PKNOX1: variants seen among roughly 807,000 people sequenced by gnomAD.
PKNOX1 encodes PBX/knotted 1 homeobox 1, also known as homeobox protein PKNOX1.
A neutral mutation model predicts 51.9 loss-of-function variants in PKNOX1; 15 were observed. The ratio of observed to expected loss-of-function variants is 0.29; its 90% CI spans 0.19 to 0.45. The LOEUF (loss-of-function observed/expected upper bound fraction) is 0.45. Ranked by LOEUF, PKNOX1 falls within the 20% of genes least tolerant of loss-of-function variation. PKNOX1 has a pLI of 1.00. For synonymous variants in PKNOX1, 219 were observed against 211.1 expected, an observed-to-expected ratio of 1.04 and a Z score of -0.32; for missense variants, 462 against 547.5, an observed-to-expected ratio of 0.84 and a Z score of 1.56.
intron 1 of PKNOX1, among the ~76,000 whole-genome samples, chr21:42,991,511 G>A (rs1279806746): frequency 2.6e-5 from 4 of 152,058 alleles, no homozygotes; most frequent in South Asian, 2.1e-4. Context: ...AGGATCATGA[G>A]GTCAGGAGAT....
chr21:43,017,623 G>T (rs1232218660), intron 6 of PKNOX1: 1 of 153,196 alleles, frequency 6.5e-6, no homozygotes, highest in Non-Finnish European at 1.5e-5. Context: ...TAGTACCCTT[G>T]GCCAAATCCT....
rs1389953789 is a variant in PKNOX1, at chr21:43,021,559, G to A, written c.849+128G>A. On this transcript the variant is annotated intron_variant, in intron 8 of 10. Coordinates refer to ENST00000291547, the MANE Select transcript of PKNOX1 (RefSeq NM_004571.5). This position sits in a 1 kb window ranked among gnomAD's most constrained non-coding sequence, Gnocchi z 4.6. ...AAAGGCCTGACTTTCAGGACTTTGTGGCATGTCCATAATGTGGGGAGCGTG... is the reference window on the plus strand; with the variant it reads ...AAAGGCCTGACTTTCAGGACTTTGTAGCATGTCCATAATGTGGGGAGCGTG... 8.7e-7 allele frequency: 1 copy of A among 1,150,606 alleles called. No homozygotes were observed. Among genetic ancestry groups the A allele is most frequent in the South Asian group, 1.6e-5 (1 of 62,648 alleles). The allele number at this position is 1,150,606 out of a possible 1,614,324, so 71.3% of individuals were successfully genotyped here. A position where few individuals can be genotyped will look rare whatever the true frequency, so the allele number is the denominator to read the frequency against.
chr21:43,023,428 T>G, intron 8 of PKNOX1, among the ~76,000 whole-genome samples: 1 of 152,108 alleles, frequency 6.6e-6, no homozygotes, highest in East Asian at 1.9e-4. Flanking sequence ...AAACTCTCAC[T>G]GCTGACTTTG....
rs564070280 is a variant in PKNOX1 at position 43,021,928 on chromosome 21, G to A, written c.849+497G>A. On this transcript the variant is annotated intron_variant, in intron 8 of 10. Transcript: ENST00000291547. This position sits in a 1 kb window ranked among gnomAD's most constrained non-coding sequence, Gnocchi z 4.6. ...ACGTGTGCACCCGGCTTCCTCCCCC[G>A]GGCCATGGCCGCGTCTTCTCCCTGT... Among the ~76,000 whole-genome samples, 39 of 152,212 alleles carry A rather than the reference G, an allele frequency of 2.6e-4. No homozygotes were observed. Among genetic ancestry groups the A allele is most frequent in the Non-Finnish European group, 4.6e-4 (31 of 68,032 alleles).
At chr21:43,025,312 C>T (rs1056115309) in intron 9 of PKNOX1, among the ~76,000 whole-genome samples, 1 of 152,254 alleles carries the variant, frequency 6.6e-6, no homozygotes, top group Non-Finnish European at 1.5e-5. Context: ...AGAGCTGTTT[C>T]TCTAGGGTGC....
At chr21:43,000,004 A>G (rs1353444655) in intron 1 of PKNOX1, among the ~76,000 whole-genome samples, 3 of 152,144 alleles carry the variant, frequency 2.0e-5, no homozygotes, top group Non-Finnish European at 4.4e-5. Context: ...CTAAAACATA[A>G]CAAGTCACCT....
chr21:43,017,066 G>A lies in PKNOX1; in HGVS notation c.622+59G>A, dbSNP rs148500975. 1,173 of 1,071,588 alleles carry A rather than the reference G, an allele frequency of 1.1e-3. 10 individuals are homozygous for A. The African/African-American group carries it at 0.016, about 15-fold the overall frequency. 66.4% of individuals were successfully genotyped at this position (1,071,588 alleles called of 1,614,324 possible). A position where few individuals can be genotyped will look rare whatever the true frequency, so the allele number is the denominator to read the frequency against. On this transcript the variant is annotated intron_variant, in intron 6 of 10. Transcript: ENST00000291547. ...GAGTTTTTGCAGAAAATGGTCCTGTGTGTTAGAATGACAGTATAAATATAA... is the reference window on the plus strand; with the variant it reads ...GAGTTTTTGCAGAAAATGGTCCTGTATGTTAGAATGACAGTATAAATATAA...
chr21:43,008,780 C>CA (rs34065486), intron 3 of PKNOX1, among the ~76,000 whole-genome samples: 19,094 of 145,890 alleles, frequency 0.13, 1,440 homozygotes, highest in Non-Finnish European at 0.17. Context: ...GGCCCTATCT[C>CA]AAAAAAAAAA....
chr21:42,993,650 GTTTT>G (rs756844153), intron 1 of PKNOX1, among the ~76,000 whole-genome samples: 2 of 20,000 alleles, frequency 1.0e-4, no homozygotes, highest in South Asian at 1.5e-3. Context: ...TACCCACTTT[GTTTT>G]TTTTGTTTTT....
At position 43,021,492 on chromosome 21, in the gene PKNOX1, A is replaced by T. The variant is rs1979752896; in HGVS notation, c.849+61A>T. 2 of 1,509,388 alleles carry T rather than the reference A, an allele frequency of 1.3e-6. No homozygotes were observed. The highest frequency in any genetic ancestry group is 1.8e-6 in the Non-Finnish European group (2 of 1,123,968). 93.5% of individuals were successfully genotyped at this position (1,509,388 alleles called of 1,614,324 possible). A position where few individuals can be genotyped will look rare whatever the true frequency, so the allele number is the denominator to read the frequency against. ...CTCTGCGACGCTTGCTCTCTGGCTT[A>T]TGTGTCATGGAAAAGGGTTACTTCT... On this transcript the variant is annotated intron_variant, in intron 8 of 10. Coordinates refer to ENST00000291547, the MANE Select transcript of PKNOX1 (RefSeq NM_004571.5). This position sits in a 1 kb window ranked among gnomAD's most constrained non-coding sequence, Gnocchi z 4.6.
At chr21:43,004,295 T>G in intron 1 of PKNOX1, 31 bp from the exon 2 acceptor site, 1 of 920,166 alleles carries the variant, frequency 1.1e-6, no homozygotes, top group South Asian at 1.3e-5. Context: ...CTACAACTAT[T>G]AACTGATGCT....
intron 7 of PKNOX1, 29 bp downstream of exon 7, chr21:43,018,259 G>T (rs1459189443): frequency 1.4e-6 from 2 of 1,463,348 alleles, no homozygotes; most frequent in Non-Finnish European, 1.9e-6. Flanking sequence ...GGAAGGCTTT[G>T]GGGGCGAGTG....
chr21:43,026,485 G>A lies in PKNOX1; in HGVS notation c.926+1538G>A, dbSNP rs58520586. ...TTTAAAAACACATTACAGGCCAGGC[G>A]CGGTGGCTCACACCTGTAATCCCAG... is the stretch of plus-strand genomic sequence containing the variant. On this transcript the variant is annotated intron_variant, in intron 9 of 10. Transcript: ENST00000291547. Among the ~76,000 whole-genome samples, 917 of 151,866 alleles carry A rather than the reference G, an allele frequency of 6.0e-3. 6 individuals carry two copies. The highest frequency in any genetic ancestry group is 0.02 in the African/African-American group (844 of 41,536).
intron 4 of PKNOX1, among the ~76,000 whole-genome samples, chr21:43,012,112 G>A (rs1045382217): frequency 1.3e-5 from 2 of 152,196 alleles, no homozygotes; most frequent in South Asian, 2.1e-4. Context: ...AGATACCTAC[G>A]AATTCCTACC....
intron 4 of PKNOX1, among the ~76,000 whole-genome samples, chr21:43,012,052 TTTGACACTCC>T (rs536993315): frequency 7.2e-5 from 11 of 152,244 alleles, no homozygotes; most frequent in African/African-American, 2.4e-4. Context: ...CCTAGCAGAG[TTTGACACTCC>T]ATCATTTTTG....
chr21:43,028,747 A>G lies in PKNOX1; in HGVS notation c.972A>G (p.Ser324=), dbSNP rs1980089753. ...GAATTCTTCAGCCAATGTTGGATTC[A>G]AGTTGTTCAGAGACCCCCAAAACAA... ...RRRILQPMLD[S]SCSETPKTKK... is the part of the protein sequence containing the mutation. The change falls in exon 10 of 11, where the codon TCA becomes TCG. Residue 324 remains serine (S), a synonymous_variant. Coordinates refer to ENST00000291547, the MANE Select transcript of PKNOX1 (RefSeq NM_004571.5). 2 of 1,614,170 alleles carry G rather than the reference A, an allele frequency of 1.2e-6. No individual in the cohort carries two copies. The highest frequency in any genetic ancestry group is 1.1e-5 in the South Asian group (1 of 91,086).
At chr21:43,029,838 G>A (rs1416055664) in intron 10 of PKNOX1, 52 bp from the exon 11 acceptor site, 1 of 1,494,840 alleles carries the variant, frequency 6.7e-7, no homozygotes, top group Admixed American at 1.7e-5. Context: ...GTAATAAAGT[G>A]TTTTTCTGTG....
intron 1 of PKNOX1, among the ~76,000 whole-genome samples, chr21:43,001,732 G>A (rs922991141): frequency 9.2e-5 from 14 of 152,140 alleles, no homozygotes; most frequent in African/African-American, 3.4e-4. Flanking sequence ...AGGCTGAGGC[G>A]GGCGGATCAC....
intron 9 of PKNOX1, among the ~76,000 whole-genome samples, chr21:43,027,399 G>A (rs774499918): frequency 6.6e-6 from 1 of 152,144 alleles, no homozygotes; most frequent in Non-Finnish European, 1.5e-5. Flanking sequence ...GCATAGGGTG[G>A]TGGGTGCAGC....
Sources: gnomAD v4.1 joint callset for allele counts (sites outside exome capture counted in the v4.1 genomes callset) on GRCh38, gnomAD v4.1.1 for gene constraint, Gnocchi (gnomAD v3.1) non-coding constraint, MANE v1.5 for transcripts, NCBI Gene and HGNC (gene_info 2026-07-23, HGNC 2026-07-21) for gene names.